Variants in SNX10 observed in about 807,000 individuals in gnomAD.
The protein encoded by SNX10 is sorting nexin-10.
Under a neutral mutation model 28.5 loss-of-function variants are expected in SNX10, and 25 were observed. The observed-to-expected ratio is 0.88, with a 90% CI of 0.64 to 1.22. SNX10 has a LOEUF of 1.22. SNX10 is among the 50% of genes most tolerant of loss of function. The pLI, the probability that SNX10 is intolerant of heterozygous loss-of-function variation, is 0.00. For synonymous variants in SNX10, 62 were observed against 81.4 expected (o/e 0.76, Z 1.28); for missense variants, 223 against 242.6 (o/e 0.92, Z 0.54).
chr7:26,341,757 T>C (rs1008232389), intron 1 of SNX10, among the ~76,000 whole-genome samples: 1 of 152,132 alleles, frequency 6.6e-6, no homozygotes, highest in Non-Finnish European at 1.5e-5. Context: ...AGTGCTGGGA[T>C]TACAGGCATG....
At chr7:26,342,073 C>T (rs1228354164) in intron 1 of SNX10, among the ~76,000 whole-genome samples, 1 of 140,896 alleles carries the variant, frequency 7.1e-6, no homozygotes, top group Non-Finnish European at 1.5e-5. Flanking sequence ...GTTGCCCAGG[C>T]TGGAGTGCAG....
chr7:26,335,986 C>T (rs1787926343), intron 1 of SNX10, among the ~76,000 whole-genome samples: 1 of 152,038 alleles, frequency 6.6e-6, no homozygotes, highest in Non-Finnish European at 1.5e-5. Flanking sequence ...CCGCCTCGGC[C>T]TCCCAAAGTG....
intron 2 of SNX10, among the ~76,000 whole-genome samples, chr7:26,357,960 G>T (rs73068476): frequency 1.3e-5 from 2 of 151,964 alleles, no homozygotes; most frequent in South Asian, 2.1e-4. Flanking sequence ...TCAGCTCATG[G>T]GAGGGGGTTG....
At position 26,308,483 on chromosome 7, in the gene SNX10, G is replaced by T. The variant is rs111819447; in HGVS notation, c.-24+16397G>T. On this transcript the variant is annotated intron_variant, in intron 1 of 6. Transcript: ENST00000338523. Reference sequence around the variant, plus strand: ...TTTCTGCATGGTTGCCCCTGCTTCAGTCATCCCTGTTCAATGAAGTCTGTG... The same window carrying T: ...TTTCTGCATGGTTGCCCCTGCTTCATTCATCCCTGTTCAATGAAGTCTGTG... Among the ~76,000 whole-genome samples, 7 of 152,244 alleles carry T rather than the reference G, an allele frequency of 4.6e-5. 1 individual carries two copies. Among genetic ancestry groups the T allele is most frequent in the African/African-American group, 1.7e-4 (7 of 41,530 alleles).
In SNX10 at chr7:26,318,698, G is replaced by A. The variant is rs11973583; in HGVS notation, c.-24+26612G>A. Among the ~76,000 whole-genome samples the A allele has an allele frequency of 3.7e-4, 57 of 152,076 alleles. 1 individual carries two copies. Among genetic ancestry groups the A allele is most frequent in the Non-Finnish European group, 6.9e-4 (47 of 67,982 alleles). On this transcript the variant is annotated intron_variant, in intron 1 of 6. Coordinates refer to ENST00000338523, the MANE Select transcript of SNX10 (RefSeq NM_013322.3). ...TGTTGCCCAGGCTGCTTTCGAACTT[G>A]AGACTCAAGTGATCTGTTTGCCTTG...
intron 1 of SNX10, among the ~76,000 whole-genome samples, chr7:26,344,566 C>T (rs1788305840): frequency 6.6e-6 from 1 of 152,136 alleles, no homozygotes; most frequent in Non-Finnish European, 1.5e-5. Context: ...CTGTGTCCTC[C>T]AGGTTTATCC....
intron 2 of SNX10, among the ~76,000 whole-genome samples, chr7:26,351,495 A>G (rs1165367016): frequency 6.6e-6 from 1 of 152,160 alleles, no homozygotes; most frequent in East Asian, 1.9e-4. Context: ...TCAAATTGTC[A>G]AGGTCATGAA....
chr7:26,333,037 ATTGTTTTGGCTAT>A (rs1787800333), intron 1 of SNX10, among the ~76,000 whole-genome samples: 1 of 151,934 alleles, frequency 6.6e-6, no homozygotes, highest in South Asian at 2.1e-4. Flanking sequence ...CTTTTTCAGG[ATTGTTTTGGCTAT>A]TTGGAGTCTC....
intron 1 of SNX10, among the ~76,000 whole-genome samples, chr7:26,302,871 G>C (rs1166635701): frequency 6.6e-6 from 1 of 152,118 alleles, no homozygotes; most frequent in Non-Finnish European, 1.5e-5. Flanking sequence ...CAACATGATG[G>C]GAGGGCGACG....
In SNX10 at chr7:26,320,524, C is replaced by T. The variant is rs890729154; in HGVS notation, c.-23-25896C>T. Among the ~76,000 whole-genome samples the T allele has an allele frequency of 5.3e-5, 8 of 152,082 alleles. No individual in the cohort carries two copies. The South Asian group carries it at 6.2e-4, about 12-fold the overall frequency. On this transcript the variant is annotated intron_variant, in intron 1 of 6. Transcript: ENST00000338523. Reference sequence around the variant, plus strand: ...TCTGCTCACTGCAATCTCTGCTTCCCGGGTCCAAGTGATTTCTCCTGCCTC... The same window carrying T: ...TCTGCTCACTGCAATCTCTGCTTCCTGGGTCCAAGTGATTTCTCCTGCCTC...
chr7:26,327,734 T>TG (rs2128003065), intron 1 of SNX10, among the ~76,000 whole-genome samples: 1 of 140,504 alleles, frequency 7.1e-6, no homozygotes, highest in East Asian at 2.0e-4. Flanking sequence ...TTCTTTTTTT[T>TG]TTTTTTTTTT....
rs569767123 is a variant in SNX10 at position 26,308,825 on chromosome 7, C to G, written c.-24+16739C>G. Among the ~76,000 whole-genome samples, 17 of 152,184 alleles carry G rather than the reference C, an allele frequency of 1.1e-4. 1 individual carries two copies. In the East Asian group the frequency reaches 3.1e-3, roughly 28 times the overall value. On this transcript the variant is annotated intron_variant, in intron 1 of 6. Transcript: ENST00000338523. ...TGGGGGCAGTCATTTGGGTCTGAGC[C>G]TCAACCTCTGGGATCTGATAATGTC...
intron 1 of SNX10, 136 bp from the exon 2 acceptor site, chr7:26,346,284 G>T: frequency 1.5e-6 from 1 of 685,230 alleles, no homozygotes; most frequent in Non-Finnish European, 2.6e-6. Flanking sequence ...CAGCGTGGGA[G>T]GAGCAGAGGC....
chr7:26,370,182 A>C (rs1159789044), intron 5 of SNX10, among the ~76,000 whole-genome samples: 2 of 152,256 alleles, frequency 1.3e-5, no homozygotes, highest in Non-Finnish European at 2.9e-5. Flanking sequence ...CACTCTGCTC[A>C]GACTTCACAG....
At chr7:26,306,412 A>G (rs1203110615) in intron 1 of SNX10, among the ~76,000 whole-genome samples, 1 of 142,264 alleles carries the variant, frequency 7.0e-6, no homozygotes, top group East Asian at 2.0e-4. Flanking sequence ...CTTGAAGAGA[A>G]TTTTTTTTTT....
chr7:26,319,281 A>T (rs560238761), intron 1 of SNX10, among the ~76,000 whole-genome samples: 1 of 129,826 alleles, frequency 7.7e-6, no homozygotes, highest in Non-Finnish European at 1.9e-5. Context: ...AACAACTGAA[A>T]ATTAAATATA....
At chr7:26,295,003 A>G (rs1011905524) in intron 1 of SNX10, among the ~76,000 whole-genome samples, 1 of 152,152 alleles carries the variant, frequency 6.6e-6, no homozygotes, top group African/African-American at 2.4e-5. Context: ...ATTTTTCCCT[A>G]AGTAACTACT....
chr7:26,334,619 A>C lies in SNX10; in HGVS notation c.-23-11801A>C, dbSNP rs546999013. Among the ~76,000 whole-genome samples the C allele has an allele frequency of 1.4e-4, 21 of 152,316 alleles. No individual in the cohort carries two copies. In the East Asian group the frequency reaches 4.0e-3, roughly 29 times the overall value. On this transcript the variant is annotated intron_variant, in intron 1 of 6. Coordinates refer to ENST00000338523, the MANE Select transcript of SNX10 (RefSeq NM_013322.3). ...CTAAATTTGGCCTACTATCAAGTTC[A>C]TGACCATAAATGGAACTTGTATGTC...
At chr7:26,304,531 G>A (rs935644891) in intron 1 of SNX10, among the ~76,000 whole-genome samples, 46 of 152,342 alleles carry the variant, frequency 3.0e-4, no homozygotes, top group South Asian at 8.3e-4. Context: ...GGCCAGGGGT[G>A]TGGGCAGATG....
Sources: gnomAD v4.1 joint callset for allele counts (sites outside exome capture counted in the v4.1 genomes callset) on GRCh38, gnomAD v4.1.1 for gene constraint, MANE v1.5 for transcripts, NCBI Gene and HGNC (gene_info 2026-07-23, HGNC 2026-07-21) for gene names.